Variants in FAM186A observed in about 807,000 individuals in gnomAD.
The protein encoded by FAM186A is protein FAM186A.
In FAM186A, 163 loss-of-function variants were observed where a neutral mutation model predicts 216.8. The observed-to-expected ratio is 0.75, with a 90% CI of 0.66 to 0.86. The LOEUF is 0.86. Ranked by LOEUF, FAM186A falls within the 40% of genes least tolerant of loss-of-function variation. The pLI is 0.00. For missense variants in FAM186A, 2,184 were observed against 2,746.2 expected, an observed-to-expected ratio of 0.80 and a Z score of 4.58; for synonymous variants, 805 against 1,025.3, an observed-to-expected ratio of 0.79 and a Z score of 4.10.
At chr12:50,377,950 C>T (rs994740955) in intron 1 of FAM186A, among the ~76,000 whole-genome samples, 2 of 151,788 alleles carry the variant, frequency 1.3e-5, no homozygotes, top group African/African-American at 2.4e-5. Flanking sequence ...GTCGGCGAGG[C>T]GAGGTGGCTC....
intron 4 of FAM186A, among the ~76,000 whole-genome samples, chr12:50,347,640 C>T (rs1197551836): frequency 1.3e-5 from 2 of 150,238 alleles, no homozygotes; most frequent in African/African-American, 2.5e-5. Flanking sequence ...GCAGGAGAAT[C>T]GCTTGAACCC....
chr12:50,379,202 A>C (rs1444336911), intron 1 of FAM186A, among the ~76,000 whole-genome samples: 2 of 152,122 alleles, frequency 1.3e-5, no homozygotes, highest in African/African-American at 4.8e-5. Flanking sequence ...GCACTTTGGG[A>C]GGCCGAGGTG....
intron 1 of FAM186A, among the ~76,000 whole-genome samples, chr12:50,378,214 A>G: frequency 9.7e-6 from 1 of 102,586 alleles, no homozygotes; most frequent in South Asian, 4.1e-4. Context: ...ACAAGAGCGA[A>G]ACTCCATCTC....
chr12:50,351,319 A>C lies in FAM186A; in HGVS notation c.5513T>G (p.Phe1838Cys). Reference protein sequence around the residue: ...SRAPPTPGQPFIAGVPPTSGQ... With the variant: ...SRAPPTPGQPCIAGVPPTSGQ... ...AGAAGTGGGTGGAACTCCAGCTATA[A>C]AGGGCTGCCCTGGAGTGGGAGGGGC... Residue 1838 changes from phenylalanine (F) to cysteine (C), a missense_variant, in exon 4 of 8, where the codon TTT becomes TGT. Transcript: ENST00000327337. 6.6e-7 allele frequency: 1 copy of C among 1,521,656 alleles called. No homozygotes were observed. Among genetic ancestry groups the C allele is most frequent in the Admixed American group, 2.2e-5 (1 of 45,334 alleles). The allele number at this position is 1,521,656 out of a possible 1,614,324, so 94.3% of individuals were successfully genotyped here. A position where few individuals can be genotyped will look rare whatever the true frequency, so the allele number is the denominator to read the frequency against.
intron 1 of FAM186A, among the ~76,000 whole-genome samples, chr12:50,365,300 A>G (rs1365912773): frequency 1.3e-5 from 2 of 152,146 alleles, no homozygotes; most frequent in African/African-American, 2.4e-5. Context: ...TTATGTATCA[A>G]TGCAAGCCTC....
At chr12:50,342,431 G>GA (rs1262342902) in intron 4 of FAM186A, among the ~76,000 whole-genome samples, 6 of 151,336 alleles carry the variant, frequency 4.0e-5, no homozygotes, top group Non-Finnish European at 5.9e-5. Context: ...AACTAAGGGG[G>GA]AAAAATCTCC....
At chr12:50,375,294 T>A (rs924437611) in intron 1 of FAM186A, among the ~76,000 whole-genome samples, 7 of 152,120 alleles carry the variant, frequency 4.6e-5, no homozygotes, top group Non-Finnish European at 8.8e-5. Flanking sequence ...ATGCCTGTAA[T>A]CCCAGCAATT....
rs1176326192 is a variant in FAM186A at position 50,355,252 on chromosome 12, A to G, written c.1580T>C (p.Leu527Ser). The change falls in exon 4 of 8, where the codon TTA becomes TCA. Residue 527 changes from leucine (L) to serine (S), a missense_variant. Transcript: ENST00000327337. ...GCCACCTTGGCTCTTTGTTTCAGTT[A>G]AAGAGAGATGTTTTCTTTTTGCTTC... ...PTEAKRKHLSLTETKSQGGKS... is the reference protein window; with the variant it reads ...PTEAKRKHLSSTETKSQGGKS... 3 of 1,551,552 alleles carry G rather than the reference A, an allele frequency of 1.9e-6. No homozygotes were observed. The highest frequency in any genetic ancestry group is 1.4e-5 in the African/African-American group (1 of 73,054).
chr12:50,372,566 C>T (rs966467062), intron 1 of FAM186A, among the ~76,000 whole-genome samples: 1 of 150,540 alleles, frequency 6.6e-6, no homozygotes, highest in African/African-American at 2.4e-5. Flanking sequence ...TGCATGCCAG[C>T]CCGGGCGACA....
intron 4 of FAM186A, among the ~76,000 whole-genome samples, chr12:50,342,772 C>CT (rs34822411): frequency 0.52 from 74,939 of 144,342 alleles, 21,413 homozygotes; most frequent in Non-Finnish European, 0.64. Flanking sequence ...CGCTCCCGAC[C>CT]TTTTTTTTTT....
Position 50,330,478 on chromosome 12 carries a change from A to G in FAM186A, c.7034+95T>C, listed in dbSNP as rs77448168. ...TCATACCAAACATTACTTTTGGTTG[A>G]TGTACCTGGTGCTACAGGAGAAAGT... On this transcript the variant is annotated intron_variant, in intron 7 of 7. Transcript: ENST00000327337. 2.3e-3 allele frequency: 2,954 copies of G among 1,262,682 alleles called. 64 individuals carry two copies. The African/African-American group carries it at 0.041, about 18-fold the overall frequency. The allele number at this position is 1,262,682 out of a possible 1,614,324, so 78.2% of individuals were successfully genotyped here. A position where few individuals can be genotyped will look rare whatever the true frequency, so the allele number is the denominator to read the frequency against.
At chr12:50,334,543 T>C (rs1942689323) in intron 4 of FAM186A, among the ~76,000 whole-genome samples, 1 of 152,016 alleles carries the variant, frequency 6.6e-6, no homozygotes, top group South Asian at 2.1e-4. Context: ...AGTGGTGTGA[T>C]CTTGACTCAC....
At chr12:50,329,782 G>A (rs34039674) in intron 7 of FAM186A, among the ~76,000 whole-genome samples, 48,738 of 151,800 alleles carry the variant, frequency 0.32, 8,097 homozygotes, top group South Asian at 0.48. Flanking sequence ...TTTTAGTAGA[G>A]ACAGGGTTTC....
rs772751873 is a variant in FAM186A, at chr12:50,344,483, G to GTA, written c.6503+5844_6503+5845dup. ...ATGGCAGCATAGTATTCCATATGTT[G>GTA]TATATATACCACATTTTCTTTATCC... On this transcript the variant is annotated intron_variant, in intron 4 of 7. Coordinates refer to ENST00000327337, the MANE Select transcript of FAM186A (RefSeq NM_001145475.3). 8.2e-4 allele frequency among the ~76,000 whole-genome samples: 125 copies of GTA among 152,270 alleles called. 2 individuals are homozygous for GTA. Among genetic ancestry groups the GTA allele is most frequent in the Middle Eastern group, 6.8e-3 (2 of 294 alleles).
At chr12:50,328,199 G>A (rs1031362242) in intron 7 of FAM186A, among the ~76,000 whole-genome samples, 2 of 152,130 alleles carry the variant, frequency 1.3e-5, no homozygotes, top group African/African-American at 4.8e-5. Context: ...ATCAGTAGGA[G>A]AACAATTCAA....
chr12:50,345,312 G>A (rs1203127800), intron 4 of FAM186A, among the ~76,000 whole-genome samples: 1 of 152,104 alleles, frequency 6.6e-6, no homozygotes, highest in African/African-American at 2.4e-5. Flanking sequence ...GCTGAGGCAG[G>A]AGAATGGCTT....
At chr12:50,368,937 GCCAT>G (rs887131970) in intron 1 of FAM186A, among the ~76,000 whole-genome samples, 1 of 150,154 alleles carries the variant, frequency 6.7e-6, no homozygotes, top group Non-Finnish European at 1.5e-5. Flanking sequence ...GGATTCTAAG[GCCAT>G]CCAATGAGGA....
chr12:50,332,531 C>T (rs915269071), intron 5 of FAM186A, among the ~76,000 whole-genome samples: 2 of 152,112 alleles, frequency 1.3e-5, no homozygotes, highest in Non-Finnish European at 2.9e-5. Context: ...GCCTTGATAC[C>T]CATACCTCAT....
intron 4 of FAM186A, among the ~76,000 whole-genome samples, chr12:50,336,461 G>A (rs957116594): frequency 3.9e-5 from 6 of 152,096 alleles, no homozygotes; most frequent in African/African-American, 1.2e-4. Flanking sequence ...TGGGGTAGAC[G>A]GGTGGGGTGC....
Sources: gnomAD v4.1 joint callset for allele counts (sites outside exome capture counted in the v4.1 genomes callset) on GRCh38, gnomAD v4.1.1 for gene constraint, MANE v1.5 for transcripts, NCBI Gene and HGNC (gene_info 2026-07-23, HGNC 2026-07-21) for gene names.